Variants in ASB2 observed in about 807,000 individuals in gnomAD.
ASB2 encodes the protein ankyrin repeat and SOCS box containing 2, also known as ankyrin repeat and SOCS box protein 2.
A neutral mutation model predicts 62.4 loss-of-function variants in ASB2; 58 were observed. The ratio of observed to expected loss-of-function variants is 0.93; its 90% CI spans 0.75 to 1.16. ASB2 has a LOEUF of 1.16. Among genes scored for constraint, ASB2 ranks in the 50% most tolerant of loss-of-function variants. The probability of loss-of-function intolerance (pLI) is 0.00; values close to 1 mark genes in which losing one functional copy is unlikely to be tolerated. For synonymous variants in ASB2, 386 were observed against 385.3 expected, an observed-to-expected ratio of 1.00 and a Z score of -0.02; for missense variants, 928 against 887.9, an observed-to-expected ratio of 1.05 and a Z score of -0.57.
At chr14:93,938,959 G>A in intron 8 of ASB2, 149 bp downstream of exon 8, 1 of 706,754 alleles carries the variant, frequency 1.4e-6, no homozygotes, top group South Asian at 2.5e-5. Flanking sequence ...TCCAAAGCTG[G>A]CCCCACTTCC....
chr14:93,971,352 C>T (rs1054727350), intron 1 of ASB2, among the ~76,000 whole-genome samples: 2 of 152,246 alleles, frequency 1.3e-5, no homozygotes, highest in African/African-American at 4.8e-5. Context: ...AAATTCCCCA[C>T]TCTCCAGGAA....
rs80237670 is a variant in ASB2 at position 93,961,539 on chromosome 14, T to A, written c.206+2795A>T. 5.3e-5 allele frequency among the ~76,000 whole-genome samples: 8 copies of A among 152,174 alleles called. No homozygotes were observed. In the East Asian group the frequency reaches 1.5e-3, roughly 29 times the overall value. On this transcript the variant is annotated intron_variant, in intron 2 of 9. Transcript: ENST00000555019. ...CAGAGGAAACAGCCATGAGAGCAAG[T>A]AAGAGGTGAAAAACCAGCTGGCCCG...
chr14:93,952,111 CTG>C (rs1396894234), intron 5 of ASB2, among the ~76,000 whole-genome samples: 2 of 152,232 alleles, frequency 1.3e-5, no homozygotes, highest in African/African-American at 4.8e-5. Context: ...TGCCTGTGTA[CTG>C]TTTCAAATAG....
Position 93,939,667 on chromosome 14 carries a change from A to T in ASB2, c.1058T>A (p.Val353Glu), listed in dbSNP as rs1254263100. 1 of 1,493,162 alleles carries T rather than the reference A, an allele frequency of 6.7e-7. No homozygotes were observed. 92.5% of individuals were successfully genotyped at this position (1,493,162 alleles called of 1,614,324 possible). The change falls in exon 8 of 10, where the codon GTG becomes GAG. Residue 353 changes from valine to glutamate, a missense_variant. Coordinates refer to ENST00000555019, the MANE Select transcript of ASB2 (RefSeq NM_001202429.2). ...GCTGGTCACCGGCAGCAGCATCTGC[A>T]CGATCCTGCCGGGTCGAGGGGCGGG... The part of the protein sequence containing the change: ...IASKKGNYRI[V>E]QMLLPVTSRT...
chr14:93,937,764 G>A lies in ASB2; in HGVS notation c.1705C>T (p.Leu569Phe), dbSNP rs779245846. 2.5e-6 allele frequency: 4 copies of A among 1,613,492 alleles called. No individual in the cohort carries two copies. The African/African-American group carries it at 5.3e-5, about 21-fold the overall frequency. Residue 569 changes from leucine (L) to phenylalanine (F), a missense_variant, in exon 9 of 10, where the codon CTC becomes TTC. Physicochemically the swap from Leu to Phe is conservative, Grantham distance 22. Transcript: ENST00000555019. The stretch of plus-strand genomic sequence containing the variant: ...ATGTGTTCCTTCAGCCGCGAGCAGA[G>A]CTGCACGTTGCCCACGTAGTCCAGG... ...VLLDYVGNVQLCSRLKEHIDS... is the reference protein window; with the variant it reads ...VLLDYVGNVQFCSRLKEHIDS...
intron 6 of ASB2, 65 bp from the exon 7 acceptor site, chr14:93,947,585 G>A: frequency 1.3e-6 from 2 of 1,549,166 alleles, no homozygotes; most frequent in Admixed American, 1.7e-5. Flanking sequence ...TCAATGTAAC[G>A]CCACCGCGTG....
At position 93,934,756 on chromosome 14, in the gene ASB2, C is replaced by G; in HGVS notation, c.1808G>C (p.Arg603Pro). ...PRPLAHLCRL[R>P]VRKAIGKYRI... is the part of the protein sequence containing the mutation. The stretch of plus-strand genomic sequence containing the variant: ...GTATTTCCCAATGGCCTTTCGAACC[C>G]GCAGTCGGCAAAGGTGAGCCAGAGG... The change falls in exon 10 of 10, where the codon CGG (arginine) becomes CCG (proline). Residue 603 changes from arginine (R) to proline (P), a missense_variant. Transcript: ENST00000555019. 1 of 1,613,510 alleles carries G rather than the reference C, an allele frequency of 6.2e-7. No individual in the cohort carries two copies.
chr14:93,963,560 G>T (rs1889479900), intron 2 of ASB2, among the ~76,000 whole-genome samples: 1 of 152,200 alleles, frequency 6.6e-6, no homozygotes, highest in African/African-American at 2.4e-5. Flanking sequence ...TTGGCCACAT[G>T]TGCTAGGGAG....
At chr14:93,953,707 G>A (rs549419915) in intron 4 of ASB2, among the ~76,000 whole-genome samples, 200 bp from the exon 5 acceptor site, 1 of 152,294 alleles carries the variant, frequency 6.6e-6, no homozygotes, top group Non-Finnish European at 1.5e-5. Context: ...CAGATGCCAC[G>A]TCCTCTGAGA....
chr14:93,937,120 C>T (rs1888298620), intron 9 of ASB2, among the ~76,000 whole-genome samples: 1 of 152,194 alleles, frequency 6.6e-6, no homozygotes, highest in Non-Finnish European at 1.5e-5. Context: ...AGGCCTCACC[C>T]AGCAAGGCCC....
At chr14:93,974,897 A>G (rs1345788973) in intron 1 of ASB2, among the ~76,000 whole-genome samples, 1 of 152,228 alleles carries the variant, frequency 6.6e-6, no homozygotes, top group Non-Finnish European at 1.5e-5. Flanking sequence ...TGCGTGGGTT[A>G]GACAGTGTCC....
intron 7 of ASB2, 68 bp downstream of exon 7, chr14:93,947,281 C>T: frequency 1.3e-6 from 2 of 1,564,560 alleles, no homozygotes; most frequent in Admixed American, 1.7e-5. Flanking sequence ...AGGCCCACCC[C>T]TCCAATCCCC....
At position 93,943,868 on chromosome 14, in the gene ASB2, C is replaced by T. The variant is rs142903923; in HGVS notation, c.1052+3481G>A. 2,254 of 450,936 alleles carry T rather than the reference C, an allele frequency of 5.0e-3. 34 individuals carry two copies. Among genetic ancestry groups the T allele is most frequent in the African/African-American group, 0.035 (1,724 of 49,880 alleles). The allele number at this position is 450,936 out of a possible 1,614,324, so 27.9% of individuals were successfully genotyped here. A position where few individuals can be genotyped will look rare whatever the true frequency, so the allele number is the denominator to read the frequency against. ...TTTTTAATTTAATGTGTTAAGTGTT[C>T]TCTATTTTGCCTTATTCTAGGAAGA... On this transcript the variant is annotated intron_variant, in intron 7 of 9. Transcript: ENST00000555019.
At chr14:93,935,728 G>A (rs1025336027) in intron 9 of ASB2, among the ~76,000 whole-genome samples, 4 of 152,182 alleles carry the variant, frequency 2.6e-5, no homozygotes, top group African/African-American at 2.4e-5. Flanking sequence ...CGGCTGCAGC[G>A]TTGCCTAGCG....
chr14:93,937,821 TCA>T lies in ASB2; in HGVS notation c.1646_1647del (p.Val549GlufsTer32). On this transcript the variant is annotated frameshift_variant, in exon 9 of 10. Coordinates refer to ENST00000555019, the MANE Select transcript of ASB2 (RefSeq NM_001202429.2). LOFTEE classifies it high-confidence loss of function. ...QFCEFVSAPE[V>X]SRWAGPIIDV... ...TCGATGATGGGCCCCGCCCAGCGGC[TCA>T]CCTCTGGGGCAGATACGAACTCACA... 1.2e-6 allele frequency: 2 copies of T among 1,608,520 alleles called. No homozygotes were observed. Among genetic ancestry groups the T allele is most frequent in the Non-Finnish European group, 1.7e-6 (2 of 1,175,438 alleles).
At chr14:93,955,584 T>A in intron 3 of ASB2, 1 of 171,210 alleles carries the variant, frequency 5.8e-6, no homozygotes, top group South Asian at 1.4e-4. Context: ...CCAGCTGAAG[T>A]GGAAGGGAGG....
intron 3 of ASB2, 131 bp from the exon 4 acceptor site, chr14:93,954,614 C>G (rs919550567): frequency 9.3e-6 from 7 of 756,258 alleles, no homozygotes; most frequent in Non-Finnish European, 1.5e-5. Context: ...AGCACTCAGC[C>G]CCCTGCAGCC....
chr14:93,961,566 G>C (rs1398396862), intron 2 of ASB2, among the ~76,000 whole-genome samples: 1 of 152,262 alleles, frequency 6.6e-6, no homozygotes, highest in African/African-American at 2.4e-5. Context: ...GCTGGCCCGG[G>C]AGAGTGGTCA....
intron 2 of ASB2, among the ~76,000 whole-genome samples, chr14:93,959,616 G>T (rs1056998925): frequency 1.3e-5 from 2 of 152,206 alleles, no homozygotes; most frequent in African/African-American, 4.8e-5. Context: ...CCCTGGAAGA[G>T]CCCCAGGTAG....
Sources: gnomAD v4.1 joint callset for allele counts (sites outside exome capture counted in the v4.1 genomes callset) on GRCh38, gnomAD v4.1.1 for gene constraint, MANE v1.5 for transcripts, NCBI Gene and HGNC (gene_info 2026-07-23, HGNC 2026-07-21) for gene names.